SEC14L1: variants seen among roughly 807,000 people sequenced by gnomAD.
The protein encoded by SEC14L1 is SEC14 like lipid binding 1.
Under a neutral mutation model 85.3 loss-of-function variants are expected in SEC14L1, and 48 were observed. The observed-to-expected ratio is 0.56, with a 90% CI of 0.45 to 0.72. SEC14L1 has a LOEUF of 0.72. SEC14L1 is among the 30% of genes least tolerant of loss of function. The pLI is 0.00. For synonymous variants in SEC14L1, 391 were observed against 355.5 expected (o/e 1.10, Z -1.12); for missense variants, 682 against 921.4 (o/e 0.74, Z 3.36).
upstream of SEC14L1, among the ~76,000 whole-genome samples, chr17:77,136,946 G>C (rs562570427): frequency 7.0e-6 from 1 of 143,826 alleles, no homozygotes; most frequent in East Asian, 2.0e-4. Context: ...TTTCGCTCTT[G>C]TTGCCCAGGC....
rs752744503 is a variant in SEC14L1 at position 77,212,060 on chromosome 17, C to T, written c.1722C>T (p.Pro574=). Residue 574 remains proline (P), a synonymous_variant, in exon 15 of 17, where the codon CCC becomes CCT. Coordinates refer to ENST00000436233, the MANE Select transcript of SEC14L1 (RefSeq NM_001143998.2). ...IYHSKRSPQP[P]KKDSLGAHSI... ...ACTCCAAGAGGTCGCCACAACCACC[C>T]AAAAAGGACTCCCTGGGAGCCCACA... 6.2e-7 allele frequency: 1 copy of T among 1,614,114 alleles called. No individual in the cohort carries two copies. Among genetic ancestry groups the T allele is most frequent in the Non-Finnish European group, 8.5e-7 (1 of 1,180,038 alleles).
chr17:77,204,157 CAG>C (rs1289606881), intron 10 of SEC14L1, among the ~76,000 whole-genome samples: 2 of 152,254 alleles, frequency 1.3e-5, no homozygotes, highest in East Asian at 1.9e-4. Context: ...TGAAAACAAA[CAG>C]AAACTTAAAA....
Position 77,216,995 on chromosome 17 carries a change from T to C in SEC14L1, c.*2972T>C. On this transcript the variant is annotated 3_prime_UTR_variant, in exon 17 of 17. Coordinates refer to ENST00000436233, the MANE Select transcript of SEC14L1 (RefSeq NM_001143998.2). ...AATTTGTTATTTGCATATCAAATTCTGTAAATGTTTTGTAAACATATTACC... is the reference window on the plus strand; with the variant it reads ...AATTTGTTATTTGCATATCAAATTCCGTAAATGTTTTGTAAACATATTACC... 1 of 167,088 alleles carries C rather than the reference T, an allele frequency of 6.0e-6. No homozygotes were observed. Among genetic ancestry groups the C allele is most frequent in the South Asian group, 1.5e-4 (1 of 6,674 alleles). 10.4% of individuals were successfully genotyped at this position (167,088 alleles called of 1,614,324 possible).
rs71384149 is a variant in SEC14L1, at chr17:77,215,825, T to C, written c.*1802T>C. ...TCGTAGGTAGGGCTGGTAGGTAGGG[T>C]TAGTAGGTAGGGCTAGTAGGTAGGG... is the stretch of plus-strand genomic sequence containing the variant. On this transcript the variant is annotated 3_prime_UTR_variant, in exon 17 of 17. Coordinates refer to ENST00000436233, the MANE Select transcript of SEC14L1 (RefSeq NM_001143998.2). 116,504 of 759,776 alleles carry C rather than the reference T, an allele frequency of 0.15. 22,806 individuals carry two copies. Among genetic ancestry groups the C allele is most frequent in the African/African-American group, 0.35 (12,523 of 36,080 alleles). The allele number at this position is 759,776 out of a possible 1,614,324, so 47.1% of individuals were successfully genotyped here. A position where few individuals can be genotyped will look rare whatever the true frequency, so the allele number is the denominator to read the frequency against.
Position 77,174,436 on chromosome 17 carries a change from A to G in SEC14L1, c.64-16367A>G, listed in dbSNP as rs1017058263. Among the ~76,000 whole-genome samples the G allele has an allele frequency of 6.6e-5, 10 of 152,252 alleles. No individual in the cohort carries two copies. The South Asian group carries it at 1.0e-3, about 16-fold the overall frequency. On this transcript the variant is annotated intron_variant, in intron 3 of 16. Coordinates refer to ENST00000436233, the MANE Select transcript of SEC14L1 (RefSeq NM_001143998.2). ...ACCACAGATCCGGACTCCACACTCA[A>G]TTGTGCGTCTCATTCACACACTTTC...
intron 3 of SEC14L1, among the ~76,000 whole-genome samples, chr17:77,133,968 G>C (rs1225545849): frequency 6.7e-6 from 1 of 149,530 alleles, no homozygotes; most frequent in South Asian, 2.1e-4. Flanking sequence ...CTCTGGAAGC[G>C]AGGGGCACAG....
chr17:77,133,540 C>T (rs1045110189), intron 3 of SEC14L1, among the ~76,000 whole-genome samples: 18 of 152,288 alleles, frequency 1.2e-4, no homozygotes, highest in African/African-American at 3.6e-4. Flanking sequence ...TCCTGTGCTT[C>T]GGTCCCAAGG....
intron 2 of SEC14L1, among the ~76,000 whole-genome samples, chr17:77,091,446 C>G (rs749685564): frequency 1.1e-4 from 17 of 152,150 alleles, no homozygotes; most frequent in Non-Finnish European, 1.8e-4. Context: ...CAAAAGAGCA[C>G]TATGTGCAGA....
intron 6 of SEC14L1, among the ~76,000 whole-genome samples, chr17:77,193,999 G>A (rs554873776): frequency 2.6e-5 from 4 of 152,274 alleles, no homozygotes; most frequent in African/African-American, 7.2e-5. Flanking sequence ...AAATCTATCC[G>A]TGTGGGATTA....
In SEC14L1 at chr17:77,214,173, T is replaced by C; in HGVS notation, c.*150T>C. ...TCAGATGGTAAACGTAGTCGTTTGA[T>C]CCCAAAACTACCTTGGCAGGTAGTT... is the stretch of plus-strand genomic sequence containing the variant. On this transcript the variant is annotated 3_prime_UTR_variant, in exon 17 of 17. Transcript: ENST00000436233. 2 of 1,422,352 alleles carry C rather than the reference T, an allele frequency of 1.4e-6. No homozygotes were observed. Among genetic ancestry groups the C allele is most frequent in the South Asian group, 3.0e-5 (2 of 65,696 alleles). 88.1% of individuals were successfully genotyped at this position (1,422,352 alleles called of 1,614,324 possible).
At chr17:77,161,310 A>C (rs1352021172) in intron 3 of SEC14L1, among the ~76,000 whole-genome samples, 1 of 152,172 alleles carries the variant, frequency 6.6e-6, no homozygotes, top group Non-Finnish European at 1.5e-5. Context: ...AACATGGTGA[A>C]ACCCTGTCTG....
chr17:77,165,808 C>A (rs1014644754), intron 3 of SEC14L1, among the ~76,000 whole-genome samples: 10 of 152,130 alleles, frequency 6.6e-5, no homozygotes, highest in Non-Finnish European at 1.3e-4. Flanking sequence ...AGCAAAGTCT[C>A]ATGAGATTTA....
intron 3 of SEC14L1, among the ~76,000 whole-genome samples, chr17:77,104,836 C>CAAGGTTGAG (rs2143333642): frequency 2.0e-5 from 3 of 148,002 alleles, no homozygotes; most frequent in African/African-American, 7.6e-5. Flanking sequence ...GTGTGTGTGT[C>CAAGGTTGAG]AAGGTTGAGG....
chr17:77,163,752 T>C (rs1459297146), intron 3 of SEC14L1, among the ~76,000 whole-genome samples: 1 of 152,206 alleles, frequency 6.6e-6, no homozygotes, highest in Non-Finnish European at 1.5e-5. Flanking sequence ...ACTTTTCTCT[T>C]TCTCATAAAA....
chr17:77,137,326 G>A (rs1024331832), upstream of SEC14L1, among the ~76,000 whole-genome samples: 1 of 152,210 alleles, frequency 6.6e-6, no homozygotes, highest in Non-Finnish European at 1.5e-5. Flanking sequence ...AAGCCTCAGG[G>A]AGCTTTTAGT....
At chr17:77,205,116 T>G (rs762693727) in intron 10 of SEC14L1, 160 bp from the exon 11 acceptor site, 13 of 603,690 alleles carry the variant, frequency 2.2e-5, no homozygotes, top group Non-Finnish European at 3.9e-5. Context: ...GGTGGTGATG[T>G]GTTTAGCGCA....
At chr17:77,186,402 C>T (rs1195961844) in intron 3 of SEC14L1, among the ~76,000 whole-genome samples, 1 of 152,270 alleles carries the variant, frequency 6.6e-6, no homozygotes, top group Non-Finnish European at 1.5e-5. Context: ...CTGCATGCCT[C>T]CTCTCTCTCA....
chr17:77,106,938 TCC>T (rs774660774), intron 3 of SEC14L1, among the ~76,000 whole-genome samples: 21 of 152,194 alleles, frequency 1.4e-4, no homozygotes, highest in Non-Finnish European at 2.2e-4. Context: ...CCTTGCTGAC[TCC>T]CCATGAATGC....
At chr17:77,200,088 C>A (rs1976049029) in intron 8 of SEC14L1, among the ~76,000 whole-genome samples, 1 of 152,170 alleles carries the variant, frequency 6.6e-6, no homozygotes, top group East Asian at 1.9e-4. Context: ...ATTGCCTAAG[C>A]CCAGTAGTTG....
Sources: gnomAD v4.1 joint callset for allele counts (sites outside exome capture counted in the v4.1 genomes callset) on GRCh38, gnomAD v4.1.1 for gene constraint, MANE v1.5 for transcripts, NCBI Gene and HGNC (gene_info 2026-07-23, HGNC 2026-07-21) for gene names.